Variants in STRIP2 observed in about 807,000 individuals in gnomAD.
STRIP2 encodes striatin interacting protein 2.
Under a neutral mutation model 107.1 loss-of-function variants are expected in STRIP2, and 84 were observed. The observed-to-expected ratio is 0.78, with a 90% CI of 0.66 to 0.94. The LOEUF is 0.94. Among genes scored for constraint, STRIP2 ranks in the 40% least tolerant of loss-of-function variants. The probability of loss-of-function intolerance (pLI) is 0.00; values close to 1 mark genes in which losing one functional copy is unlikely to be tolerated. For synonymous variants in STRIP2, 394 were observed against 400.4 expected, an observed-to-expected ratio of 0.98 and a Z score of 0.19; for missense variants, 888 against 1,034.2, an observed-to-expected ratio of 0.86 and a Z score of 1.94.
At position 129,458,707 on chromosome 7, in the gene STRIP2, C is replaced by T. The variant is rs1562905352; in HGVS notation, c.1275-5C>T. On this transcript the variant is annotated splice_polypyrimidine_tract_variant and splice_region_variant and intron_variant, in intron 10 of 20. Coordinates refer to ENST00000249344, the MANE Select transcript of STRIP2 (RefSeq NM_020704.3). This position sits in a 1 kb window ranked among gnomAD's most constrained non-coding sequence, Gnocchi z 4.6. ...CTGGGATTGGTCTTTCCACCATCCT[C>T]TCAGACAGAAGGACATTGAGCACTT... 1 of 1,614,170 alleles carries T rather than the reference C, an allele frequency of 6.2e-7. No homozygotes were observed. Among genetic ancestry groups the T allele is most frequent in the Non-Finnish European group, 8.5e-7 (1 of 1,180,004 alleles).
At chr7:129,442,088 C>T (rs761116209) in intron 2 of STRIP2, among the ~76,000 whole-genome samples, 1 of 152,058 alleles carries the variant, frequency 6.6e-6, no homozygotes, top group Non-Finnish European at 1.5e-5. Context: ...AGCTGGGCAT[C>T]GTGGCATGCA....
At chr7:129,448,576 G>T (rs1191570855) in intron 3 of STRIP2, among the ~76,000 whole-genome samples, 2 of 152,104 alleles carry the variant, frequency 1.3e-5, no homozygotes, top group African/African-American at 4.8e-5. Context: ...TTTTCTGCTT[G>T]TATAAAGTAG....
chr7:129,434,652 G>C, intron 1 of STRIP2, 51 bp downstream of exon 1: 2 of 1,430,818 alleles, frequency 1.4e-6, no homozygotes, highest in East Asian at 2.9e-5. Context: ...CCGCCGGCGG[G>C]AAGCGGCGGC....
chr7:129,440,887 C>T (rs573616404), intron 2 of STRIP2, among the ~76,000 whole-genome samples: 2 of 152,152 alleles, frequency 1.3e-5, no homozygotes, highest in African/African-American at 2.4e-5. Context: ...AGAAAAGAGA[C>T]AAACAATTTT....
chr7:129,460,188 G>T (rs2151003836), intron 12 of STRIP2, 113 bp from the exon 13 acceptor site: 1 of 877,958 alleles, frequency 1.1e-6, no homozygotes, highest in East Asian at 2.6e-5. Flanking sequence ...TCTATGTGGG[G>T]TAACAAACCC....
intron 14 of STRIP2, 99 bp from the exon 15 acceptor site, chr7:129,463,945 C>T: frequency 2.2e-6 from 2 of 893,332 alleles, no homozygotes; most frequent in Non-Finnish European, 3.5e-6. Flanking sequence ...TACAGAATGG[C>T]TTTAAAACAC....
At chr7:129,455,516 G>C (rs1798322416) in intron 8 of STRIP2, 145 bp downstream of exon 8, 2 of 972,934 alleles carry the variant, frequency 2.1e-6, no homozygotes, top group African/African-American at 1.7e-5. Flanking sequence ...GGGCAACAAG[G>C]CTGTCCTAGA....
At chr7:129,481,333 C>A (rs1292151987) in intron 19 of STRIP2, among the ~76,000 whole-genome samples, 1 of 151,528 alleles carries the variant, frequency 6.6e-6, no homozygotes, top group Non-Finnish European at 1.5e-5. Context: ...TCCATCTCTA[C>A]TAAAAATACA....
intron 3 of STRIP2, among the ~76,000 whole-genome samples, chr7:129,449,234 T>C (rs1279139365): frequency 6.6e-6 from 1 of 152,192 alleles, no homozygotes; most frequent in Non-Finnish European, 1.5e-5. Context: ...TTAATATCCA[T>C]TCCCATGCCT....
At chr7:129,469,977 CTG>C (rs1453043807) in intron 17 of STRIP2, among the ~76,000 whole-genome samples, 1 of 152,190 alleles carries the variant, frequency 6.6e-6, no homozygotes, top group African/African-American at 2.4e-5. Flanking sequence ...AAAGAGACAG[CTG>C]TCATTTATTT....
intron 15 of STRIP2, 69 bp downstream of exon 15, chr7:129,464,210 C>G: frequency 8.5e-7 from 1 of 1,180,996 alleles, no homozygotes; most frequent in Non-Finnish European, 1.2e-6. Flanking sequence ...CTAGTCCCCA[C>G]TCACCTTGTT....
At chr7:129,434,650 G>T in intron 1 of STRIP2, 49 bp downstream of exon 1, 1 of 1,430,638 alleles carries the variant, frequency 7.0e-7, no homozygotes, top group Non-Finnish European at 9.1e-7. Flanking sequence ...GCCCGCCGGC[G>T]GGAAGCGGCG....
rs751530019 is a variant in STRIP2 at position 129,458,315 on chromosome 7, A to T, written c.1139A>T (p.Asp380Val). 9 of 1,614,174 alleles carry T rather than the reference A, an allele frequency of 5.6e-6. No homozygotes were observed. The East Asian group carries it at 1.1e-4, about 20-fold the overall frequency. Residue 380 changes from aspartate (D) to valine (V), a missense_variant, in exon 10 of 21, where the codon GAT becomes GTT. By Grantham distance (152) the Asp-to-Val change is radical. Coordinates refer to ENST00000249344, the MANE Select transcript of STRIP2 (RefSeq NM_020704.3). This position sits in a 1 kb window ranked among gnomAD's most constrained non-coding sequence, Gnocchi z 4.6. ...ATEEEEESAG[D>V]GERTLDGELD... is the part of the protein sequence containing the mutation. ...GAGGAGGAAGAGGAGTCTGCTGGTG[A>T]TGGAGAACGAACCTTGGATGGAGAG...
intron 18 of STRIP2, 95 bp from the exon 19 acceptor site, chr7:129,480,690 G>A: frequency 1.1e-6 from 1 of 892,386 alleles, no homozygotes. Context: ...CATACAGGAA[G>A]GCCTCACCTA....
chr7:129,453,374 C>T, intron 5 of STRIP2, 27 bp downstream of exon 5: 2 of 1,613,200 alleles, frequency 1.2e-6, no homozygotes, highest in East Asian at 4.5e-5. Flanking sequence ...GAAGGGCTGG[C>T]CTACATAACC....
intron 2 of STRIP2, among the ~76,000 whole-genome samples, chr7:129,442,711 T>G (rs1326510803): frequency 6.6e-6 from 1 of 152,226 alleles, no homozygotes; most frequent in Non-Finnish European, 1.5e-5. Context: ...AATTTAAGAT[T>G]CAGTGATGGG....
At chr7:129,463,311 G>A (rs1562908535) in intron 14 of STRIP2, among the ~76,000 whole-genome samples, 2 of 152,280 alleles carry the variant, frequency 1.3e-5, no homozygotes, top group Non-Finnish European at 1.5e-5. Context: ...AAGTACTGTA[G>A]TCCCTCTGAG....
rs777899982 is a variant in STRIP2, at chr7:129,453,211, C to T, written c.410-16C>T. 1 of 1,613,786 alleles carries T rather than the reference C, an allele frequency of 6.2e-7. No individual in the cohort carries two copies. The highest frequency in any genetic ancestry group is 8.5e-7 in the Non-Finnish European group (1 of 1,179,836). On this transcript the variant is annotated splice_polypyrimidine_tract_variant and intron_variant, in intron 4 of 20. Transcript: ENST00000249344. ...TGCCACCCCTCAACCCCTGTAACAA[C>T]TGTCTGGTCCTTTAGGTACTTTTGG...
Position 129,467,463 on chromosome 7 carries a change from G to A in STRIP2, c.1877+13G>A. On this transcript the variant is annotated intron_variant, in intron 17 of 20. Transcript: ENST00000249344. Reference sequence around the variant, plus strand: ...CTGCCAAAAACAGGTATGAACTCTGGACAGGTTTATTTCAAGGGGCTATTT... The same window carrying A: ...CTGCCAAAAACAGGTATGAACTCTGAACAGGTTTATTTCAAGGGGCTATTT... 1.3e-6 allele frequency: 2 copies of A among 1,597,946 alleles called. No individual in the cohort carries two copies. The highest frequency in any genetic ancestry group is 1.7e-6 in the Non-Finnish European group (2 of 1,168,182).
Sources: allele counts gnomAD v4.1 joint callset (sites outside exome capture counted in the v4.1 genomes callset), GRCh38; gene constraint gnomAD v4.1.1; non-coding constraint Gnocchi (gnomAD v3.1); transcripts MANE v1.5; gene names NCBI Gene and HGNC (gene_info 2026-07-23, HGNC 2026-07-21).